The following PRKN variants were observed in gnomAD, a reference collection of about 807,000 sequenced individuals.
PRKN encodes E3 ubiquitin-protein ligase parkin.
A neutral mutation model predicts 59.5 loss-of-function variants in PRKN; 56 were observed. That is an observed-to-expected ratio of 0.94 (90% CI 0.76 to 1.18). PRKN has a LOEUF of 1.18. Among genes scored for constraint, PRKN ranks in the 50% most tolerant of loss-of-function variants. PRKN has a pLI of 0.00. For synonymous variants in PRKN, 250 were observed against 222.1 expected (o/e 1.13, Z -1.12); for missense variants, 657 against 596.4 (o/e 1.10, Z -1.06).
chr6:161,969,201 C>T (rs996470857), intron 6 of PRKN, among the ~76,000 whole-genome samples: 11 of 151,466 alleles, frequency 7.3e-5, no homozygotes, highest in Non-Finnish European at 1.6e-4. Flanking sequence ...CTGTTATGAC[C>T]GTATTCTTAG....
intron 5 of PRKN, among the ~76,000 whole-genome samples, chr6:162,031,353 G>T (rs1273966748): frequency 4.0e-5 from 6 of 151,780 alleles, no homozygotes; most frequent in Non-Finnish European, 5.9e-5. Context: ...GGTATGGAAG[G>T]TACTCGATCA....
intron 2 of PRKN, among the ~76,000 whole-genome samples, chr6:162,327,880 G>A (rs997912983): frequency 7.9e-5 from 12 of 152,126 alleles, no homozygotes; most frequent in African/African-American, 2.9e-4. Flanking sequence ...GCATAATGGA[G>A]CTCTGTCTGA....
chr6:162,629,656 C>T (rs530755970), intron 1 of PRKN, among the ~76,000 whole-genome samples: 7 of 152,164 alleles, frequency 4.6e-5, no homozygotes, highest in South Asian at 2.1e-4. Context: ...GCCTACGACA[C>T]GCAATGCTGC....
At chr6:162,286,301 T>G (rs1199432022) in intron 2 of PRKN, among the ~76,000 whole-genome samples, 1 of 151,970 alleles carries the variant, frequency 6.6e-6, no homozygotes, top group African/African-American at 2.4e-5. Context: ...TTTGTTTGTT[T>G]GTTTGTTTTT....
At chr6:161,955,032 C>A (rs1780119166) in intron 6 of PRKN, among the ~76,000 whole-genome samples, 1 of 152,096 alleles carries the variant, frequency 6.6e-6, no homozygotes, top group South Asian at 2.1e-4. Context: ...TGGAGAGGAA[C>A]AGGAGAGTTT....
At chr6:161,679,210 T>C (rs1296053479) in intron 7 of PRKN, among the ~76,000 whole-genome samples, 2 of 152,160 alleles carry the variant, frequency 1.3e-5, no homozygotes, top group Admixed American at 1.3e-4. Flanking sequence ...GCAGATGTGA[T>C]TCTGAGTAGC....
At chr6:161,922,615 C>T (rs928927776) in intron 6 of PRKN, among the ~76,000 whole-genome samples, 15 of 152,194 alleles carry the variant, frequency 9.9e-5, no homozygotes, top group Admixed American at 8.5e-4. Context: ...GAGGTAATTC[C>T]TACATGAAAT....
chr6:161,692,120 T>TATC (rs1241023554), intron 7 of PRKN, among the ~76,000 whole-genome samples: 38 of 152,334 alleles, frequency 2.5e-4, no homozygotes, highest in African/African-American at 6.0e-4. Flanking sequence ...GAAACTTGAA[T>TATC]ATCGGTGTGG....
At chr6:162,506,251 C>CAAAAAAAAAAAAAAAAAAAAAA (rs10528135) in intron 1 of PRKN, among the ~76,000 whole-genome samples, 1 of 95,344 alleles carries the variant, frequency 1.0e-5, no homozygotes, top group Non-Finnish European at 2.0e-5. Flanking sequence ...AAAGAGGAAG[C>CAAAAAAAAAAAAAAAAAAAAAA]AAAAAAAAAA....
At chr6:162,583,652 C>T (rs1780879422) in intron 1 of PRKN, among the ~76,000 whole-genome samples, 1 of 152,144 alleles carries the variant, frequency 6.6e-6, no homozygotes, top group Non-Finnish European at 1.5e-5. Flanking sequence ...TTTCCTCTCC[C>T]AGAGGGCAGC....
chr6:161,885,439 C>T (rs1325510977), intron 6 of PRKN, among the ~76,000 whole-genome samples: 3 of 152,152 alleles, frequency 2.0e-5, no homozygotes, highest in East Asian at 1.9e-4. Context: ...CCGAGGCGGG[C>T]AGATCACGAG....
chr6:162,205,050 A>T (rs1440778456), intron 3 of PRKN, among the ~76,000 whole-genome samples: 1 of 151,874 alleles, frequency 6.6e-6, no homozygotes, highest in Non-Finnish European at 1.5e-5. Flanking sequence ...TTTAGTAGAG[A>T]CAGGGTTTCA....
chr6:162,546,601 G>A (rs1036639827), intron 1 of PRKN, among the ~76,000 whole-genome samples: 15 of 151,358 alleles, frequency 9.9e-5, no homozygotes, highest in African/African-American at 3.4e-4. Context: ...GTGCCACCAC[G>A]CCCGGCTAAT....
intron 1 of PRKN, among the ~76,000 whole-genome samples, chr6:162,548,563 C>G (rs182583858): frequency 1.3e-5 from 2 of 152,118 alleles, no homozygotes; most frequent in African/African-American, 4.8e-5. Flanking sequence ...TGCTTCATTT[C>G]GTTTGTAAAT....
intron 2 of PRKN, among the ~76,000 whole-genome samples, chr6:162,367,010 C>T (rs545044559): frequency 2.6e-5 from 4 of 152,282 alleles, no homozygotes; most frequent in South Asian, 4.1e-4. Flanking sequence ...ACCCAAATCT[C>T]ATCTCGAATT....
At chr6:162,568,259 T>A (rs1342675131) in intron 1 of PRKN, 1 of 183,562 alleles carries the variant, frequency 5.4e-6, no homozygotes, top group African/African-American at 2.4e-5. Flanking sequence ...AAAGCAAAAA[T>A]GGACAAAGGG....
intron 2 of PRKN, among the ~76,000 whole-genome samples, chr6:162,369,249 A>T (rs1785619658): frequency 6.6e-6 from 1 of 152,198 alleles, no homozygotes; most frequent in Non-Finnish European, 1.5e-5. Context: ...GAATTGGCAA[A>T]TGTCATTTCA....
At chr6:161,570,148 T>TAA (rs1780829759) in intron 7 of PRKN, among the ~76,000 whole-genome samples, 1 of 89,630 alleles carries the variant, frequency 1.1e-5, no homozygotes, top group Non-Finnish European at 2.1e-5. Flanking sequence ...AAAAAAAAAA[T>TAA]ATATATATAT....
chr6:161,585,822 CAGA>C (rs1781503135), intron 7 of PRKN, among the ~76,000 whole-genome samples: 2 of 152,144 alleles, frequency 1.3e-5, no homozygotes, highest in Admixed American at 1.3e-4. Flanking sequence ...CTTGACACAG[CAGA>C]AGACAACCCA....
Sources: allele counts gnomAD v4.1 joint callset (sites outside exome capture counted in the v4.1 genomes callset), GRCh38; gene constraint gnomAD v4.1.1; transcripts MANE v1.5; gene names NCBI Gene and HGNC (gene_info 2026-07-23, HGNC 2026-07-21).